Variants in RSPH3 observed in about 807,000 individuals in gnomAD.
RSPH3 encodes the protein radial spoke head protein 3 homolog.
RSPH3 carries 21 observed loss-of-function variants against 43.8 expected under a neutral mutation model. The observed-to-expected ratio is 0.48, with a 90% CI of 0.34 to 0.69. The LOEUF (loss-of-function observed/expected upper bound fraction) is 0.69. Ranked by LOEUF, RSPH3 falls within the 30% of genes least tolerant of loss-of-function variation. The probability of loss-of-function intolerance (pLI) is 0.01; values close to 1 mark genes in which losing one functional copy is unlikely to be tolerated. For missense variants in RSPH3, 487 were observed against 516.0 expected, an observed-to-expected ratio of 0.94 and a Z score of 0.54; for synonymous variants, 173 against 179.8, an observed-to-expected ratio of 0.96 and a Z score of 0.30.
intron 3 of RSPH3, among the ~76,000 whole-genome samples, chr6:158,985,240 G>T (rs1381572408): frequency 6.6e-6 from 1 of 152,224 alleles, no homozygotes; most frequent in Non-Finnish European, 1.5e-5. Context: ...CAGAACCAGA[G>T]GACAGAAGAG....
intron 2 of RSPH3, chr6:158,988,141 C>A (rs2128608535): frequency 6.6e-6 from 1 of 150,842 alleles, no homozygotes; most frequent in Non-Finnish European, 1.5e-5. Context: ...TTTGTGGATA[C>A]AATATTGTTA....
Position 158,999,634 on chromosome 6 carries a change from G to GT in RSPH3, c.-85dup, listed in dbSNP as rs765099471. On this transcript the variant is annotated 5_prime_UTR_variant, in exon 1 of 8. Coordinates refer to ENST00000367069, the MANE Select transcript of RSPH3 (RefSeq NM_031924.8). Reference sequence around the variant, plus strand: ...AAGGTGTTGTGGGACCCGGAGAGATGTAAGTAGTGCCAAGGGCAAGGATTC... The same window carrying GT: ...AAGGTGTTGTGGGACCCGGAGAGATGTTAAGTAGTGCCAAGGGCAAGGATTC... 42 of 1,613,970 alleles carry GT rather than the reference G, an allele frequency of 2.6e-5. No homozygotes were observed. Among genetic ancestry groups the GT allele is most frequent in the African/African-American group, 5.3e-5 (4 of 74,934 alleles).
chr6:158,997,271 C>CTTT (rs35951023), intron 1 of RSPH3, among the ~76,000 whole-genome samples: 3,877 of 129,018 alleles, frequency 0.03, 281 homozygotes, highest in African/African-American at 0.11. Context: ...CTCCTGAACA[C>CTTT]TTTTTTTTTT....
In RSPH3 at chr6:158,992,059, T is replaced by G. The variant is rs191585105; in HGVS notation, c.204+1780A>C. ...TAGGCTAATGAGCACTGTTTTTTTT[T>G]TTTTTTTTTTTGTAGACAGGGTCTC... On this transcript the variant is annotated intron_variant, in intron 2 of 7. Transcript: ENST00000367069. 1.5e-3 allele frequency among the ~76,000 whole-genome samples: 223 copies of G among 151,326 alleles called. 1 individual carries two copies. Among genetic ancestry groups the G allele is most frequent in the Non-Finnish European group, 2.8e-3 (188 of 67,750 alleles).
chr6:158,986,282 G>C lies in RSPH3; in HGVS notation c.344C>G (p.Thr115Arg). ...VEGRKHVDVQ[T>R]ELYLEEIADR... ...ATGCCAAGGGCACAGTCACACACCT[G>C]TTTGCACATCGACATGCTTTCTGCC... Residue 115 changes from threonine (T) to arginine (R), a missense_variant and splice_region_variant, in exon 3 of 8, where the codon ACA becomes AGA. By Grantham distance (71) the Thr-to-Arg change is moderately conservative (BLOSUM62 -1). Coordinates refer to ENST00000367069, the MANE Select transcript of RSPH3 (RefSeq NM_031924.8). 6.2e-7 allele frequency: 1 copy of C among 1,613,790 alleles called. No individual in the cohort carries two copies.
chr6:159,000,111 G>A lies in RSPH3; in HGVS notation c.-561C>T. 1.0e-6 allele frequency: 1 copy of A among 957,442 alleles called. No individual in the cohort carries two copies. The highest frequency in any genetic ancestry group is 1.5e-6 in the Non-Finnish European group (1 of 671,144). The allele number at this position is 957,442 out of a possible 1,614,324, so 59.3% of individuals were successfully genotyped here. On this transcript the variant is annotated 5_prime_UTR_variant, in exon 1 of 8. Transcript: ENST00000367069. Reference sequence around the variant, plus strand: ...CAGGGTGTCCTCGGCTGTTTCTCCTGCCGCGGCGCAGCAGCGCTCCCAGGC... The same window carrying A: ...CAGGGTGTCCTCGGCTGTTTCTCCTACCGCGGCGCAGCAGCGCTCCCAGGC...
intron 7 of RSPH3, 142 bp downstream of exon 7, chr6:158,978,118 T>C: frequency 1.5e-6 from 1 of 649,380 alleles, no homozygotes; most frequent in Non-Finnish European, 2.7e-6. Flanking sequence ...ATATTGAGGG[T>C]AAAAATTTGC....
At chr6:158,981,289 T>G (rs1778023860) in intron 5 of RSPH3, among the ~76,000 whole-genome samples, 1 of 152,162 alleles carries the variant, frequency 6.6e-6, no homozygotes, top group African/African-American at 2.4e-5. Context: ...AAATTACCAG[T>G]GGGCCAATGA....
In RSPH3 at chr6:158,980,848, T is replaced by C. The variant is rs754411530; in HGVS notation, c.785A>G (p.Tyr262Cys). ...AACAGACGGGAGAAGGTCAGCCAGG[T>C]AACGCTGTGCAAATGCTCGGGCGGC... ...KIAARAFAQR[Y>C]LADLLPSVFG... Residue 262 changes from tyrosine to cysteine, a missense_variant, in exon 6 of 8, where the codon TAC becomes TGC. Tyr to Cys is a radical substitution (Grantham distance 194). Transcript: ENST00000367069. 1.2e-6 allele frequency: 2 copies of C among 1,614,174 alleles called. No individual in the cohort carries two copies. Among genetic ancestry groups the C allele is most frequent in the East Asian group, 4.5e-5 (2 of 44,878 alleles).
intron 3 of RSPH3, among the ~76,000 whole-genome samples, chr6:158,985,143 C>G (rs1315165899): frequency 1.3e-5 from 2 of 152,218 alleles, no homozygotes; most frequent in Admixed American, 1.3e-4. Context: ...AGGTAAGCCT[C>G]TACAGCTGAG....
At chr6:158,972,568 T>C (rs1382653473), downstream of RSPH3, among the ~76,000 whole-genome samples, 3 of 152,184 alleles carry the variant, frequency 2.0e-5, no homozygotes, top group African/African-American at 7.2e-5. Context: ...TACCTTAGGG[T>C]TTCACTGACA....
intron 3 of RSPH3, among the ~76,000 whole-genome samples, chr6:158,986,013 A>C (rs996735721): frequency 1.3e-5 from 2 of 151,192 alleles, no homozygotes; most frequent in Non-Finnish European, 2.9e-5. Flanking sequence ...GGGGTATTTC[A>C]CCACATTGGC....
the RSPH3 span, among the ~76,000 whole-genome samples, chr6:158,966,554 T>G: frequency 6.6e-6 from 1 of 152,264 alleles, no homozygotes; most frequent in South Asian, 2.1e-4. Context: ...TTTGGTAAAT[T>G]GTATCTTTCT....
chr6:158,995,736 A>T (rs557048347), intron 1 of RSPH3, among the ~76,000 whole-genome samples: 2 of 151,970 alleles, frequency 1.3e-5, no homozygotes, highest in African/African-American at 4.8e-5. Flanking sequence ...CTGGGACTAC[A>T]GGCGCCCGCC....
At chr6:158,996,527 C>T (rs976415769) in intron 1 of RSPH3, among the ~76,000 whole-genome samples, 1 of 152,174 alleles carries the variant, frequency 6.6e-6, no homozygotes, top group Non-Finnish European at 1.5e-5. Context: ...CTAAGTAAAA[C>T]TTCACAGCTT....
rs562404227 is a variant in RSPH3 at position 158,975,961 on chromosome 6, T to A, written c.*1577A>T. 2 of 152,950 alleles carry A rather than the reference T, an allele frequency of 1.3e-5. No individual in the cohort carries two copies. Among genetic ancestry groups the A allele is most frequent in the Non-Finnish European group, 2.9e-5 (2 of 68,582 alleles). 9.5% of individuals were successfully genotyped at this position (152,950 alleles called of 1,614,324 possible). ...ACTTTGGGAGGCCAAGGTGGGCAGA[T>A]CACTTGAGCCCAGGAGTTGGAGACC... On this transcript the variant is annotated 3_prime_UTR_variant, in exon 8 of 8. Transcript: ENST00000367069.
chr6:158,980,402 C>T (rs992006252), intron 6 of RSPH3, among the ~76,000 whole-genome samples: 8 of 150,748 alleles, frequency 5.3e-5, no homozygotes, highest in African/African-American at 1.2e-4. Context: ...ACACTCCATC[C>T]TGGGCAAAAG....
intron 2 of RSPH3, among the ~76,000 whole-genome samples, chr6:158,987,878 G>C (rs1778284761): frequency 6.6e-6 from 1 of 152,188 alleles, no homozygotes; most frequent in African/African-American, 2.4e-5. Context: ...GGGCCTCATA[G>C]TAGAATTATG....
In RSPH3 at chr6:158,973,473, C is replaced by T. The variant is rs950974349; in HGVS notation, c.*4065G>A. On this transcript the variant is annotated 3_prime_UTR_variant, in exon 8 of 8. Coordinates refer to ENST00000367069, the MANE Select transcript of RSPH3 (RefSeq NM_031924.8). ...TTATAACTTTTAATGGAATTATAGG[C>T]TCCAAATACTTTCTTCTGCAAGTTA... 5.9e-5 allele frequency: 9 copies of T among 152,212 alleles called. No individual in the cohort carries two copies. Among genetic ancestry groups the T allele is most frequent in the Non-Finnish European group, 1.3e-4 (9 of 68,028 alleles). 9.4% of individuals were successfully genotyped at this position (152,212 alleles called of 1,614,324 possible).
Sources: allele counts gnomAD v4.1 joint callset (sites outside exome capture counted in the v4.1 genomes callset), GRCh38; gene constraint gnomAD v4.1.1; transcripts MANE v1.5; gene names NCBI Gene and HGNC (gene_info 2026-07-23, HGNC 2026-07-21).